The following ADGRB1 variants were observed in gnomAD, a reference collection of about 807,000 sequenced individuals.
The protein encoded by ADGRB1 is adhesion G protein-coupled receptor B1.
Under a neutral mutation model 175.7 loss-of-function variants are expected in ADGRB1, and 36 were observed. That is an observed-to-expected ratio of 0.20 (90% CI 0.16 to 0.27). The LOEUF is 0.27. ADGRB1 is among the 10% of genes least tolerant of loss of function. The pLI, the probability that ADGRB1 is intolerant of heterozygous loss-of-function variation, is 1.00. For missense variants in ADGRB1, 1,731 were observed against 2,255.3 expected (o/e 0.77, Z 4.71); for synonymous variants, 1,054 against 979.4 (o/e 1.08, Z -1.42).
intron 23 of ADGRB1, 47 bp downstream of exon 23, chr8:142,524,351 C>T (rs1228642288): frequency 9.1e-6 from 14 of 1,531,750 alleles, no homozygotes; most frequent in African/African-American, 1.4e-5. Flanking sequence ...ACCTGGGCCC[C>T]CCACCTGCCT....
intron 3 of ADGRB1, among the ~76,000 whole-genome samples, chr8:142,476,231 C>T (rs528499739): frequency 6.6e-6 from 1 of 152,188 alleles, no homozygotes; most frequent in Non-Finnish European, 1.5e-5. Context: ...GGGAGAAGAG[C>T]TCCTCTCAGG....
At position 142,543,457 on chromosome 8, in the gene ADGRB1, C is replaced by T. The variant is rs761451278; in HGVS notation, c.4449+19C>T. On this transcript the variant is annotated intron_variant, in intron 29 of 30. Transcript: ENST00000517894. The surrounding 1 kb of genome is among the most constrained non-coding windows in gnomAD (Gnocchi z 4.4). Reference sequence around the variant, plus strand: ...CTTTGAGGTGAGTTCTGGTGTCCCCCCCCACCAGACACTTAGGGCCAGATG... The same window carrying T: ...CTTTGAGGTGAGTTCTGGTGTCCCCTCCCACCAGACACTTAGGGCCAGATG... 6.2e-7 allele frequency: 1 copy of T among 1,613,518 alleles called. No homozygotes were observed. Among genetic ancestry groups the T allele is most frequent in the Non-Finnish European group, 8.5e-7 (1 of 1,179,700 alleles).
In ADGRB1 at chr8:142,485,035, G is replaced by A. The variant is rs527302970; in HGVS notation, c.2308+271G>A. ...GCATGTACCCACCTGGGGCCAGAGCGTATTCTGCCTGTCACCCCCAGTGCC... is the reference window on the plus strand; with the variant it reads ...GCATGTACCCACCTGGGGCCAGAGCATATTCTGCCTGTCACCCCCAGTGCC... On this transcript the variant is annotated intron_variant, in intron 13 of 30. Coordinates refer to ENST00000517894, the MANE Select transcript of ADGRB1 (RefSeq NM_001702.3). Among the ~76,000 whole-genome samples, 26 of 152,288 alleles carry A rather than the reference G, an allele frequency of 1.7e-4. No individual in the cohort carries two copies. The East Asian group carries it at 2.3e-3, about 14-fold the overall frequency.
Position 142,493,611 on chromosome 8 carries a change from C to G in ADGRB1, c.2675+2796C>G, listed in dbSNP as rs1284793942. Among the ~76,000 whole-genome samples the G allele has an allele frequency of 6.6e-6, 1 of 152,260 alleles. No homozygotes were observed. The highest frequency in any genetic ancestry group is 1.5e-5 in the Non-Finnish European group (1 of 68,042). ...CCTGGCAGCATTGTGCCCAAGTTGC[C>G]TCTTGGGTCCTTGACCCTGCCCGGC... is the stretch of plus-strand genomic sequence containing the variant. On this transcript the variant is annotated intron_variant, in intron 17 of 30. Coordinates refer to ENST00000517894, the MANE Select transcript of ADGRB1 (RefSeq NM_001702.3). The surrounding 1 kb of genome is among the most constrained non-coding windows in gnomAD (Gnocchi z 5.0).
intron 22 of ADGRB1, among the ~76,000 whole-genome samples, chr8:142,523,061 C>A (rs1563738714): frequency 6.6e-6 from 1 of 152,220 alleles, no homozygotes; most frequent in East Asian, 1.9e-4. Context: ...AGAGGGAGGG[C>A]TGTTTGAGAC....
intron 19 of ADGRB1, among the ~76,000 whole-genome samples, chr8:142,519,269 G>A (rs1449842739): frequency 1.3e-5 from 2 of 152,222 alleles, no homozygotes; most frequent in East Asian, 3.8e-4. Flanking sequence ...CCCTTGGTGA[G>A]CTCTCCTGGC....
intron 23 of ADGRB1, 32 bp from the exon 24 acceptor site, chr8:142,526,509 AC>A (rs971868773): frequency 2.2e-6 from 1 of 463,088 alleles, no homozygotes; most frequent in African/African-American, 3.0e-5. Flanking sequence ...GGCGGCCCCC[AC>A]CCCCACACCC....
chr8:142,495,741 G>A (rs1842182483), intron 17 of ADGRB1, among the ~76,000 whole-genome samples: 2 of 151,950 alleles, frequency 1.3e-5, no homozygotes, highest in African/African-American at 2.4e-5. Flanking sequence ...GTGCCCCCCC[G>A]CCAAACCCAG....
chr8:142,503,853 T>G (rs1306283067), intron 17 of ADGRB1, among the ~76,000 whole-genome samples: 1 of 152,042 alleles, frequency 6.6e-6, no homozygotes, highest in African/African-American at 2.4e-5. Flanking sequence ...GAGCCCTGAC[T>G]CAGTGTGGCG....
chr8:142,519,747 ATGG>A lies in ADGRB1; in HGVS notation c.2922-1071_2922-1069del, dbSNP rs1180901629. On this transcript the variant is annotated intron_variant, in intron 19 of 30. Coordinates refer to ENST00000517894, the MANE Select transcript of ADGRB1 (RefSeq NM_001702.3). ...GGTGATTGTGGTGATGGTGGTAGTG[ATGG>A]TGGTAATGGTCGTGGTGATGGTAGT... Among the ~76,000 whole-genome samples, 80 of 96,820 alleles carry A rather than the reference ATGG, an allele frequency of 8.3e-4. 1 individual carries two copies. The highest frequency in any genetic ancestry group is 2.2e-3 in the Admixed American group (23 of 10,400). 63.5% of individuals were successfully genotyped at this position (96,820 alleles called of 152,430 possible). A position where few individuals can be genotyped will look rare whatever the true frequency, so the allele number is the denominator to read the frequency against.
intron 17 of ADGRB1, among the ~76,000 whole-genome samples, chr8:142,496,360 ATAGG>A (rs1020241602): frequency 4.1e-5 from 6 of 146,256 alleles, no homozygotes; most frequent in African/African-American, 1.5e-4. Flanking sequence ...AGATGGGTGA[ATAGG>A]TGGGTGGATA....
rs1830565849 is a variant in ADGRB1, at chr8:142,511,084, G to C, written c.2817+11G>C. ...CTCAGCGCCGACGCGGTGAGACCCC[G>C]GCCGGGCCGGCGGGAGGGGCGCCGG... On this transcript the variant is annotated intron_variant, in intron 18 of 30. Coordinates refer to ENST00000517894, the MANE Select transcript of ADGRB1 (RefSeq NM_001702.3). The surrounding 1 kb of genome is among the most constrained non-coding windows in gnomAD (Gnocchi z 4.5). 2 of 1,112,564 alleles carry C rather than the reference G, an allele frequency of 1.8e-6. No homozygotes were observed. Among genetic ancestry groups the C allele is most frequent in the Non-Finnish European group, 2.2e-6 (2 of 909,864 alleles). 68.9% of individuals were successfully genotyped at this position (1,112,564 alleles called of 1,614,324 possible).
intron 1 of ADGRB1, among the ~76,000 whole-genome samples, chr8:142,452,378 A>C (rs13256888): frequency 6.6e-6 from 1 of 152,040 alleles, no homozygotes; most frequent in African/African-American, 2.4e-5. Context: ...GGTCCCGCGC[A>C]GGGGCGGATA....
intron 13 of ADGRB1, among the ~76,000 whole-genome samples, chr8:142,486,008 G>A (rs993035530): frequency 1.6e-4 from 25 of 152,120 alleles, no homozygotes; most frequent in African/African-American, 5.8e-4. Context: ...GGCCACCCTC[G>A]CCCTCCCAAA....
At chr8:142,505,218 C>A (rs557699385) in intron 17 of ADGRB1, among the ~76,000 whole-genome samples, 1 of 152,288 alleles carries the variant, frequency 6.6e-6, no homozygotes, top group African/African-American at 2.4e-5. Context: ...AAGCTGAGCT[C>A]CGAGGGTGAG....
At chr8:142,457,229 CG>C (rs1839730647) in intron 1 of ADGRB1, among the ~76,000 whole-genome samples, 1 of 152,164 alleles carries the variant, frequency 6.6e-6, no homozygotes, top group African/African-American at 2.4e-5. Flanking sequence ...CACTAGGAGC[CG>C]GTCGGTCCCT....
At chr8:142,521,709 A>G (rs1843860160) in intron 20 of ADGRB1, among the ~76,000 whole-genome samples, 1 of 152,210 alleles carries the variant, frequency 6.6e-6, no homozygotes, top group South Asian at 2.1e-4. Context: ...CTGGCTTAGC[A>G]TTTGGTGTGG....
intron 2 of ADGRB1, among the ~76,000 whole-genome samples, chr8:142,465,266 C>T (rs575241858): frequency 6.6e-5 from 10 of 152,192 alleles, no homozygotes; most frequent in Non-Finnish European, 1.3e-4. Flanking sequence ...AGGGCCAGCC[C>T]GGGCACACGG....
Position 142,537,131 on chromosome 8 carries a change from C to T in ADGRB1, c.3666+49C>T, listed in dbSNP as rs774771861. 5.1e-6 allele frequency: 7 copies of T among 1,360,764 alleles called. No homozygotes were observed. Among genetic ancestry groups the T allele is most frequent in the Non-Finnish European group, 6.7e-6 (7 of 1,039,438 alleles). 84.3% of individuals were successfully genotyped at this position (1,360,764 alleles called of 1,614,324 possible). On this transcript the variant is annotated intron_variant, in intron 26 of 30. Coordinates refer to ENST00000517894, the MANE Select transcript of ADGRB1 (RefSeq NM_001702.3). This position sits in a 1 kb window ranked among gnomAD's most constrained non-coding sequence, Gnocchi z 4.6. ...CAGGCTGCCCTACCTGCCTCGTACC[C>T]CCGCCAAGTGCCTCCAGGCCCTCAC...
Sources: gnomAD v4.1 joint callset for allele counts (sites outside exome capture counted in the v4.1 genomes callset) on GRCh38, gnomAD v4.1.1 for gene constraint, Gnocchi (gnomAD v3.1) non-coding constraint, MANE v1.5 for transcripts, NCBI Gene and HGNC (gene_info 2026-07-23, HGNC 2026-07-21) for gene names.